The following ATP9A variants were observed in gnomAD, a reference collection of about 807,000 sequenced individuals.
ATP9A encodes probable phospholipid-transporting ATPase IIA.
Under a neutral mutation model 144.1 loss-of-function variants are expected in ATP9A, and 52 were observed. The ratio of observed to expected loss-of-function variants is 0.36; its 90% CI spans 0.29 to 0.45. ATP9A has a LOEUF of 0.45. Among genes scored for constraint, ATP9A ranks in the 20% least tolerant of loss-of-function variants. ATP9A has a pLI of 1.00. For synonymous variants in ATP9A, 582 were observed against 557.4 expected (o/e 1.04, Z -0.62); for missense variants, 947 against 1,392.7 (o/e 0.68, Z 5.09).
At chr20:51,652,066 T>C (rs566557577) in intron 14 of ATP9A, among the ~76,000 whole-genome samples, 11 of 152,250 alleles carry the variant, frequency 7.2e-5, no homozygotes, top group East Asian at 1.9e-4. Flanking sequence ...GCTTGGAAAG[T>C]TGCATTATCA....
intron 9 of ATP9A, among the ~76,000 whole-genome samples, chr20:51,679,402 C>T (rs1055872849): frequency 4.6e-5 from 7 of 152,202 alleles, no homozygotes; most frequent in African/African-American, 1.7e-4. Context: ...AGTCCACGTT[C>T]CTCATGCTAC....
intron 1 of ATP9A, among the ~76,000 whole-genome samples, chr20:51,735,452 A>G (rs781574230): frequency 3.3e-5 from 5 of 152,176 alleles, no homozygotes; most frequent in African/African-American, 4.8e-5. Flanking sequence ...TTTACATTCT[A>G]CACATATTGT....
At chr20:51,755,596 C>T (rs2077852378) in intron 1 of ATP9A, among the ~76,000 whole-genome samples, 1 of 152,152 alleles carries the variant, frequency 6.6e-6, no homozygotes, top group Admixed American at 6.6e-5. Flanking sequence ...TTATCATTTT[C>T]TTCTAAAGCT....
At chr20:51,695,378 G>C (rs1218113806) in intron 6 of ATP9A, among the ~76,000 whole-genome samples, 1 of 150,576 alleles carries the variant, frequency 6.6e-6, no homozygotes, top group Non-Finnish European at 1.5e-5. Flanking sequence ...CAGGAGAATG[G>C]CTTGAACCCA....
chr20:51,625,710 G>A (rs758377942), intron 17 of ATP9A, among the ~76,000 whole-genome samples: 6 of 152,202 alleles, frequency 3.9e-5, no homozygotes, highest in Non-Finnish European at 8.8e-5. Context: ...CAAAAAAACA[G>A]TAAGTTCTCC....
chr20:51,605,940 T>C (rs1307627896), intron 26 of ATP9A, among the ~76,000 whole-genome samples: 1 of 146,912 alleles, frequency 6.8e-6, no homozygotes, highest in Non-Finnish European at 1.5e-5. Flanking sequence ...TAAACCCCAA[T>C]AGGAGACATG....
At chr20:51,723,138 A>G (rs938326653) in intron 3 of ATP9A, among the ~76,000 whole-genome samples, 5 of 152,212 alleles carry the variant, frequency 3.3e-5, no homozygotes, top group Non-Finnish European at 5.9e-5. Context: ...TTCGAAGTGA[A>G]GTAACTCAGG....
In ATP9A at chr20:51,712,950, G is replaced by A. The variant is rs143853373; in HGVS notation, c.436+16C>T. On this transcript the variant is annotated intron_variant, in intron 4 of 27. Coordinates refer to ENST00000338821, the MANE Select transcript of ATP9A (RefSeq NM_006045.3). ...ATTGAGCTGCAACCCTGTGGCCCAG[G>A]AGCCAGAAGGCTGACCTCGTGCTGT... 3.8e-6 allele frequency: 6 copies of A among 1,596,008 alleles called. No homozygotes were observed. Among genetic ancestry groups the A allele is most frequent in the African/African-American group, 1.3e-5 (1 of 74,610 alleles).
At chr20:51,630,539 C>T (rs865839326) in intron 15 of ATP9A, among the ~76,000 whole-genome samples, 1 of 151,994 alleles carries the variant, frequency 6.6e-6, no homozygotes, top group Non-Finnish European at 1.5e-5. Context: ...CCTGTCTCTA[C>T]TAAAATTACA....
chr20:51,739,118 C>T (rs994931260), intron 1 of ATP9A, among the ~76,000 whole-genome samples: 1 of 152,112 alleles, frequency 6.6e-6, no homozygotes, highest in Non-Finnish European at 1.5e-5. Context: ...CTATGACTCA[C>T]CAGCCCCACC....
At chr20:51,708,954 G>A (rs1027827049) in intron 4 of ATP9A, among the ~76,000 whole-genome samples, 8 of 151,744 alleles carry the variant, frequency 5.3e-5, no homozygotes, top group Admixed American at 5.3e-4. Flanking sequence ...GTCTGTTCCT[G>A]AACTAAGAAA....
At chr20:51,614,975 G>A (rs915558247) in intron 22 of ATP9A, among the ~76,000 whole-genome samples, 2 of 151,560 alleles carry the variant, frequency 1.3e-5, no homozygotes. Flanking sequence ...GGACAGATGG[G>A]GGAATTTGAG....
chr20:51,670,436 T>A (rs1188514010), intron 12 of ATP9A, among the ~76,000 whole-genome samples: 1 of 152,186 alleles, frequency 6.6e-6, no homozygotes, highest in East Asian at 1.9e-4. Flanking sequence ...TCAGATTCTA[T>A]CTCGAAGGAT....
At chr20:51,711,785 CA>C (rs11479274) in intron 4 of ATP9A, among the ~76,000 whole-genome samples, 33,324 of 148,062 alleles carry the variant, frequency 0.23, 4,332 homozygotes, top group East Asian at 0.45. Context: ...ACATATCTTG[CA>C]AGTGGGGGGT....
At chr20:51,685,069 A>T (rs2077517486) in intron 9 of ATP9A, among the ~76,000 whole-genome samples, 1 of 151,956 alleles carries the variant, frequency 6.6e-6, no homozygotes, top group Admixed American at 6.6e-5. Flanking sequence ...ATAAAGGAAG[A>T]TGTCTGCACA....
chr20:51,713,621 C>T (rs569989151), intron 3 of ATP9A, among the ~76,000 whole-genome samples: 1 of 152,322 alleles, frequency 6.6e-6, no homozygotes, highest in South Asian at 2.1e-4. Flanking sequence ...ATCTTTACTG[C>T]CACTGTATCT....
intron 1 of ATP9A, among the ~76,000 whole-genome samples, chr20:51,742,616 G>A (rs888354665): frequency 6.6e-6 from 1 of 152,062 alleles, no homozygotes; most frequent in Non-Finnish European, 1.5e-5. Flanking sequence ...CTGGGTTCAA[G>A]CAATTCTTGT....
At chr20:51,763,566 G>A (rs761646144) in intron 1 of ATP9A, among the ~76,000 whole-genome samples, 3 of 152,030 alleles carry the variant, frequency 2.0e-5, no homozygotes, top group Non-Finnish European at 2.9e-5. Flanking sequence ...GCCCACCTTG[G>A]CCTCCCAAAG....
At position 51,754,396 on chromosome 20, in the gene ATP9A, A is replaced by G. The variant is rs575023410; in HGVS notation, c.68+13906T>C. On this transcript the variant is annotated intron_variant, in intron 1 of 27. Coordinates refer to ENST00000338821, the MANE Select transcript of ATP9A (RefSeq NM_006045.3). ...TGCATGCCTGTAATCCCAGCTACGC[A>G]GGAGGCTGAGGCAGGAGAATTGCTT... Among the ~76,000 whole-genome samples the G allele has an allele frequency of 2.3e-3, 351 of 151,818 alleles. 4 individuals carry two copies. The highest frequency in any genetic ancestry group is 3.2e-3 in the Non-Finnish European group (219 of 67,928).
Sources: gnomAD v4.1 joint callset for allele counts (sites outside exome capture counted in the v4.1 genomes callset) on GRCh38, gnomAD v4.1.1 for gene constraint, MANE v1.5 for transcripts, NCBI Gene and HGNC (gene_info 2026-07-23, HGNC 2026-07-21) for gene names.